MAP3K5: variants seen among roughly 807,000 people sequenced by gnomAD.
The protein encoded by MAP3K5 is mitogen-activated protein kinase kinase kinase 5, also known as ASK-1.
Under a neutral mutation model 158.7 loss-of-function variants are expected in MAP3K5, and 56 were observed. The observed-to-expected ratio is 0.35, with a 90% CI of 0.28 to 0.44. The LOEUF (loss-of-function observed/expected upper bound fraction) is 0.44. MAP3K5 is among the 20% of genes least tolerant of loss of function. The pLI, the probability that MAP3K5 is intolerant of heterozygous loss-of-function variation, is 1.00. For synonymous variants in MAP3K5, 579 were observed against 601.7 expected (o/e 0.96, Z 0.55); for missense variants, 1,294 against 1,674.8 (o/e 0.77, Z 3.97).
At chr6:136,655,061 CA>C (rs1434018839) in intron 10 of MAP3K5, among the ~76,000 whole-genome samples, 4 of 152,108 alleles carry the variant, frequency 2.6e-5, no homozygotes, top group Non-Finnish European at 5.9e-5. Context: ...ATATTTATGA[CA>C]GACAAATTCT....
chr6:136,655,940 T>C (rs1167823104), intron 10 of MAP3K5, among the ~76,000 whole-genome samples: 1 of 152,084 alleles, frequency 6.6e-6, no homozygotes, highest in African/African-American at 2.4e-5. Context: ...TTCACCACAA[T>C]ACGGGAGATA....
intron 8 of MAP3K5, among the ~76,000 whole-genome samples, chr6:136,668,105 C>A (rs9389421): frequency 0.67 from 101,094 of 151,926 alleles, 34,303 homozygotes; most frequent in African/African-American, 0.8. Context: ...AAAGTGGGCC[C>A]GGTGCGGTGG....
intron 1 of MAP3K5, among the ~76,000 whole-genome samples, chr6:136,767,997 T>C (rs755607815): frequency 3.9e-5 from 6 of 152,190 alleles, no homozygotes; most frequent in Non-Finnish European, 8.8e-5. Flanking sequence ...GACAATTAGA[T>C]ATCCACATGC....
At chr6:136,655,549 A>G (rs1778703981) in intron 10 of MAP3K5, among the ~76,000 whole-genome samples, 1 of 152,232 alleles carries the variant, frequency 6.6e-6, no homozygotes, top group Admixed American at 6.5e-5. Flanking sequence ...GAAGATAGAG[A>G]TTAGAGAGCT....
At chr6:136,659,077 T>C in intron 9 of MAP3K5, 142 bp downstream of exon 9, 1 of 777,260 alleles carries the variant, frequency 1.3e-6, no homozygotes. Flanking sequence ...ACACGTTTTA[T>C]GAATATCACA....
intron 1 of MAP3K5, among the ~76,000 whole-genome samples, chr6:136,789,017 G>C (rs187849801): frequency 4.5e-4 from 68 of 152,356 alleles, no homozygotes; most frequent in African/African-American, 1.6e-3. Context: ...AAGATGGGAG[G>C]CTGGGTGCGG....
At chr6:136,787,793 A>G (rs932993230) in intron 1 of MAP3K5, among the ~76,000 whole-genome samples, 1 of 152,224 alleles carries the variant, frequency 6.6e-6, no homozygotes, top group African/African-American at 2.4e-5. Flanking sequence ...GAAAACTCGG[A>G]TCTAATATGA....
intron 18 of MAP3K5, among the ~76,000 whole-genome samples, chr6:136,607,530 A>G (rs545662331): frequency 1.3e-5 from 2 of 152,258 alleles, no homozygotes; most frequent in Non-Finnish European, 2.9e-5. Context: ...TGAAGATGAG[A>G]GCCAACCTGA....
At chr6:136,622,157 T>C (rs1776835217) in intron 15 of MAP3K5, among the ~76,000 whole-genome samples, 1 of 152,112 alleles carries the variant, frequency 6.6e-6, no homozygotes, top group African/African-American at 2.4e-5. Flanking sequence ...TTCTCTTATT[T>C]CAAGTCTCTC....
chr6:136,708,584 T>C (rs1024447215), intron 2 of MAP3K5, among the ~76,000 whole-genome samples: 14 of 152,188 alleles, frequency 9.2e-5, no homozygotes, highest in African/African-American at 3.4e-4. Context: ...GGGAAAAGCA[T>C]TTAGGTGGCT....
chr6:136,671,717 G>A (rs1002489848), intron 7 of MAP3K5, among the ~76,000 whole-genome samples: 5 of 152,084 alleles, frequency 3.3e-5, no homozygotes, highest in Admixed American at 2.0e-4. Flanking sequence ...GGGGTCAAGC[G>A]ATTCTCCTGC....
intron 1 of MAP3K5, among the ~76,000 whole-genome samples, chr6:136,743,240 C>G (rs916738154): frequency 1.3e-5 from 2 of 152,230 alleles, no homozygotes; most frequent in African/African-American, 2.4e-5. Flanking sequence ...CATGAGGTCA[C>G]GAAATCGAGA....
At chr6:136,630,533 T>C (rs753675003) in intron 14 of MAP3K5, among the ~76,000 whole-genome samples, 31 of 152,224 alleles carry the variant, frequency 2.0e-4, no homozygotes, top group Non-Finnish European at 3.7e-4. Flanking sequence ...AAAAACCTTA[T>C]CTAAATTTCT....
At chr6:136,635,475 C>G (rs1777579578) in intron 14 of MAP3K5, among the ~76,000 whole-genome samples, 1 of 152,014 alleles carries the variant, frequency 6.6e-6, no homozygotes, top group Admixed American at 6.6e-5. Context: ...ATCTTTTTTT[C>G]CAAATTAGGC....
chr6:136,730,153 G>GTT (rs60058823), intron 1 of MAP3K5, among the ~76,000 whole-genome samples: 204 of 133,164 alleles, frequency 1.5e-3, no homozygotes, highest in East Asian at 4.0e-3. Flanking sequence ...TTGTTTGGTT[G>GTT]TTTTTTTTTT....
Position 136,609,734 on chromosome 6 carries a change from A to G in MAP3K5, c.2521+1548T>C, listed in dbSNP as rs2129089532. On this transcript the variant is annotated intron_variant, in intron 18 of 29. Transcript: ENST00000359015. This position sits in a 1 kb window ranked among gnomAD's most constrained non-coding sequence, Gnocchi z 4.4. Reference sequence around the variant, plus strand: ...ACTTGAGCCCGGGGTAGGGGAGGTCACAGTGAGCAGAGATTACACCACTGT... The same window carrying G: ...ACTTGAGCCCGGGGTAGGGGAGGTCGCAGTGAGCAGAGATTACACCACTGT... Among the ~76,000 whole-genome samples the G allele has an allele frequency of 6.6e-6, 1 of 151,940 alleles. No individual in the cohort carries two copies. Among genetic ancestry groups the G allele is most frequent in the Non-Finnish European group, 1.5e-5 (1 of 67,934 alleles).
chr6:136,720,787 T>C (rs1315616255), intron 1 of MAP3K5, among the ~76,000 whole-genome samples, 198 bp from the exon 2 acceptor site: 1 of 152,196 alleles, frequency 6.6e-6, no homozygotes, highest in African/African-American at 2.4e-5. Flanking sequence ...ACCTCCTTTT[T>C]CTGTTTTTAA....
At chr6:136,791,601 TG>T in intron 1 of MAP3K5, 108 bp downstream of exon 1, 2 of 1,200,274 alleles carry the variant, frequency 1.7e-6, no homozygotes, top group Non-Finnish European at 2.4e-6. Flanking sequence ...GCCCCCAAAG[TG>T]GGGCAAGAAG....
chr6:136,723,797 G>A (rs1317063487), intron 1 of MAP3K5, among the ~76,000 whole-genome samples: 3 of 152,142 alleles, frequency 2.0e-5, no homozygotes, highest in African/African-American at 7.2e-5. Context: ...TTATGAAATG[G>A]GAAGACAGGT....
Sources: allele counts gnomAD v4.1 joint callset (sites outside exome capture counted in the v4.1 genomes callset), GRCh38; gene constraint gnomAD v4.1.1; non-coding constraint Gnocchi (gnomAD v3.1); transcripts MANE v1.5; gene names NCBI Gene and HGNC (gene_info 2026-07-23, HGNC 2026-07-21).